Variants in AUH observed in about 807,000 individuals in gnomAD.
AUH encodes methylglutaconyl-CoA hydratase, mitochondrial.
In AUH, 29 loss-of-function variants were observed where a neutral mutation model predicts 42.3. That is an observed-to-expected ratio of 0.69 (90% CI 0.51 to 0.93). AUH has a LOEUF of 0.93. AUH is among the 40% of genes least tolerant of loss of function. AUH has a pLI of 0.00. For missense variants in AUH, 452 were observed against 438.1 expected (o/e 1.03, Z -0.28); for synonymous variants, 174 against 166.4 (o/e 1.05, Z -0.35).
intron 6 of AUH, among the ~76,000 whole-genome samples, chr9:91,227,769 T>C (rs1385865454): frequency 6.6e-6 from 1 of 152,224 alleles, no homozygotes; most frequent in African/African-American, 2.4e-5. Flanking sequence ...TGAAGCATTG[T>C]TGAATTTTGT....
intron 6 of AUH, among the ~76,000 whole-genome samples, chr9:91,272,183 C>T (rs1049851562): frequency 3.3e-5 from 5 of 152,214 alleles, no homozygotes; most frequent in East Asian, 1.9e-4. Flanking sequence ...ATTAGGATAA[C>T]GAACATATGG....
intron 6 of AUH, among the ~76,000 whole-genome samples, chr9:91,235,344 CTAGT>C (rs1245892533): frequency 6.6e-6 from 1 of 151,998 alleles, no homozygotes; most frequent in Non-Finnish European, 1.5e-5. Flanking sequence ...GTCTGAAATG[CTAGT>C]TAAATGGATG....
At chr9:91,322,259 T>C (rs918372672) in intron 4 of AUH, among the ~76,000 whole-genome samples, 2 of 152,116 alleles carry the variant, frequency 1.3e-5, no homozygotes, top group Non-Finnish European at 2.9e-5. Context: ...AGAAAGACAC[T>C]CTGGAACAAA....
chr9:91,268,349 A>G (rs958719112), intron 6 of AUH, among the ~76,000 whole-genome samples: 1 of 152,138 alleles, frequency 6.6e-6, no homozygotes, highest in Non-Finnish European at 1.5e-5. Flanking sequence ...CTATGTTGGG[A>G]GGGCACAAAA....
intron 3 of AUH, among the ~76,000 whole-genome samples, chr9:91,328,442 G>A (rs553713204): frequency 6.6e-6 from 1 of 152,310 alleles, no homozygotes; most frequent in East Asian, 1.9e-4. Flanking sequence ...GCCAGAGAAG[G>A]GAAACTATGG....
intron 3 of AUH, chr9:91,343,324 G>T (rs1269256931): frequency 6.6e-6 from 1 of 151,936 alleles, no homozygotes; most frequent in Non-Finnish European, 1.5e-5. Flanking sequence ...GGCAAACAGA[G>T]AGAAGAAAAT....
chr9:91,309,974 C>T (rs1310818471), intron 4 of AUH, among the ~76,000 whole-genome samples: 1 of 152,078 alleles, frequency 6.6e-6, no homozygotes, highest in African/African-American at 2.4e-5. Context: ...GGTGTCTCAT[C>T]CAGTGGTCAT....
chr9:91,323,220 T>C (rs1222527576), intron 4 of AUH, among the ~76,000 whole-genome samples: 2 of 152,202 alleles, frequency 1.3e-5, no homozygotes, highest in African/African-American at 4.8e-5. Flanking sequence ...ACTGCATTAC[T>C]TATAGGTAAT....
intron 6 of AUH, among the ~76,000 whole-genome samples, chr9:91,268,379 T>C (rs1830088625): frequency 1.3e-5 from 2 of 152,060 alleles, no homozygotes; most frequent in Admixed American, 1.3e-4. Context: ...TTTGCAGCCA[T>C]ATGAAAGTGC....
intron 4 of AUH, among the ~76,000 whole-genome samples, chr9:91,323,341 T>C (rs1479956350): frequency 6.6e-6 from 1 of 152,146 alleles, no homozygotes; most frequent in Non-Finnish European, 1.5e-5. Flanking sequence ...TTATTAACTT[T>C]TGGCCAGGTG....
intron 6 of AUH, among the ~76,000 whole-genome samples, chr9:91,260,995 A>G (rs991514919): frequency 2.0e-5 from 3 of 152,154 alleles, no homozygotes; most frequent in Admixed American, 6.5e-5. Context: ...TAGACATCTC[A>G]AATAGTTGTT....
At chr9:91,220,136 G>A (rs1417308795) in intron 7 of AUH, among the ~76,000 whole-genome samples, 1 of 152,152 alleles carries the variant, frequency 6.6e-6, no homozygotes, top group Non-Finnish European at 1.5e-5. Context: ...ATATCTGAAC[G>A]GGTGACAAAA....
chr9:91,309,400 T>G (rs1353167890), intron 4 of AUH, among the ~76,000 whole-genome samples: 1 of 152,144 alleles, frequency 6.6e-6, no homozygotes, highest in Non-Finnish European at 1.5e-5. Context: ...CTCTCCTTCT[T>G]GAAACATTTT....
chr9:91,295,973 T>G, intron 6 of AUH, 48 bp downstream of exon 6: 1 of 1,603,576 alleles, frequency 6.2e-7, no homozygotes, highest in Non-Finnish European at 8.5e-7. Context: ...ATGCCCTGTT[T>G]CTAGGACCAA....
At chr9:91,300,691 G>C (rs535865787) in intron 4 of AUH, among the ~76,000 whole-genome samples, 9 of 152,190 alleles carry the variant, frequency 5.9e-5, no homozygotes, top group Non-Finnish European at 8.8e-5. Context: ...CATGGCACAG[G>C]AAGGCACCTG....
chr9:91,338,587 C>T (rs751544106), intron 3 of AUH, among the ~76,000 whole-genome samples: 1 of 152,176 alleles, frequency 6.6e-6, no homozygotes, highest in Non-Finnish European at 1.5e-5. Context: ...CCCACCACCA[C>T]GCCCTGCTAA....
At chr9:91,361,513 G>C (rs2132124147) in intron 1 of AUH, 115 bp downstream of exon 1, 9 of 1,415,238 alleles carry the variant, frequency 6.4e-6, no homozygotes, top group Middle Eastern at 2.5e-4. Context: ...ACCCAGGTTC[G>C]GTGCGCCTGC....
intron 3 of AUH, among the ~76,000 whole-genome samples, chr9:91,338,913 C>A (rs1380410874): frequency 6.6e-6 from 1 of 152,168 alleles, no homozygotes; most frequent in East Asian, 1.9e-4. Context: ...TGGGTACTGA[C>A]ACTTCTATGA....
At chr9:91,233,171 G>C (rs191327099) in intron 6 of AUH, among the ~76,000 whole-genome samples, 1 of 152,192 alleles carries the variant, frequency 6.6e-6, no homozygotes, top group Non-Finnish European at 1.5e-5. Flanking sequence ...AAGAAAGCGG[G>C]GGGAGATGGA....
Sources: gnomAD v4.1 joint callset for allele counts (sites outside exome capture counted in the v4.1 genomes callset) on GRCh38, gnomAD v4.1.1 for gene constraint, MANE v1.5 for transcripts, NCBI Gene and HGNC (gene_info 2026-07-23, HGNC 2026-07-21) for gene names.